Variants in ATP8B4 observed in about 807,000 individuals in gnomAD.
ATP8B4 encodes ATPase phospholipid transporting 8B4 (putative).
ATP8B4 carries 133 observed loss-of-function variants against 145.6 expected under a neutral mutation model. That is an observed-to-expected ratio of 0.91 (90% CI 0.79 to 1.05). ATP8B4 has a LOEUF of 1.05. ATP8B4 is among the 50% of genes least tolerant of loss of function. The pLI is 0.00. For missense variants in ATP8B4, 1,458 were observed against 1,425.2 expected, an observed-to-expected ratio of 1.02 and a Z score of -0.37; for synonymous variants, 507 against 492.9, an observed-to-expected ratio of 1.03 and a Z score of -0.38.
At chr15:50,148,952 C>T (rs1286291402) in intron 1 of ATP8B4, among the ~76,000 whole-genome samples, 1 of 152,178 alleles carries the variant, frequency 6.6e-6, no homozygotes, top group Non-Finnish European at 1.5e-5. Flanking sequence ...AATGGTTCAA[C>T]ATCATTTCAT....
At chr15:50,174,954 T>C (rs6493414) in intron 1 of ATP8B4, among the ~76,000 whole-genome samples, 150,498 of 152,314 alleles carry the variant, frequency 0.99, 74,380 homozygotes, top group Middle Eastern at 1. Flanking sequence ...GGCACATAGA[T>C]TCATGGAACA....
intron 1 of ATP8B4, among the ~76,000 whole-genome samples, chr15:50,110,688 G>A (rs904992165): frequency 2.0e-5 from 3 of 152,210 alleles, no homozygotes; most frequent in African/African-American, 7.2e-5. Context: ...AAAAGGGAAA[G>A]CTGCTAGATG....
At chr15:50,119,781 C>CTTTTTT (rs2057246780), upstream of ATP8B4, among the ~76,000 whole-genome samples, 1 of 40,274 alleles carries the variant, frequency 2.5e-5, no homozygotes, top group East Asian at 6.7e-4. Context: ...TTTTTTTTTA[C>CTTTTTT]AGGGGAAGTT....
chr15:49,991,257 A>T (rs2153547794), intron 9 of ATP8B4, among the ~76,000 whole-genome samples: 1 of 152,332 alleles, frequency 6.6e-6, no homozygotes, highest in East Asian at 1.9e-4. Flanking sequence ...CTTTAGAAAG[A>T]ACCACAAAAT....
chr15:50,049,490 T>A (rs537033543), intron 3 of ATP8B4, among the ~76,000 whole-genome samples: 19 of 152,354 alleles, frequency 1.2e-4, no homozygotes, highest in African/African-American at 4.6e-4. Context: ...CATTCTTTTT[T>A]TATGCCTGTG....
At position 49,934,473 on chromosome 15, in the gene ATP8B4, C is replaced by A. The variant is rs548818028; in HGVS notation, c.1288-291G>T. Reference sequence around the variant, plus strand: ...CAATACAACTTCAAAATACAAAAAACCACAGAAAATGCAAAGTTTTTTCAA... The same window carrying A: ...CAATACAACTTCAAAATACAAAAAAACACAGAAAATGCAAAGTTTTTTCAA... On this transcript the variant is annotated intron_variant, in intron 14 of 27. Coordinates refer to ENST00000284509, the MANE Select transcript of ATP8B4 (RefSeq NM_024837.4). Among the ~76,000 whole-genome samples the A allele has an allele frequency of 3.7e-4, 56 of 151,922 alleles. 1 individual carries two copies. Among genetic ancestry groups the A allele is most frequent in the Non-Finnish European group, 6.2e-4 (42 of 67,964 alleles).
At chr15:50,077,640 T>C (rs901238117) in intron 2 of ATP8B4, among the ~76,000 whole-genome samples, 1 of 152,138 alleles carries the variant, frequency 6.6e-6, no homozygotes, top group Non-Finnish European at 1.5e-5. Context: ...CCTTTTATTC[T>C]CAAAAGTGTC....
chr15:50,087,321 AGATC>A (rs1159851177), intron 2 of ATP8B4, among the ~76,000 whole-genome samples: 2 of 71,772 alleles, frequency 2.8e-5, no homozygotes, highest in African/African-American at 1.3e-4. Flanking sequence ...TAATAGATAT[AGATC>A]TATATTTATA....
At chr15:50,042,653 TGTTAA>T (rs1567250295) in intron 5 of ATP8B4, among the ~76,000 whole-genome samples, 1 of 152,208 alleles carries the variant, frequency 6.6e-6, no homozygotes, top group East Asian at 1.9e-4. Flanking sequence ...CTCTACTGAA[TGTTAA>T]GTTTTTTTTA....
chr15:49,890,935 G>T (rs968965855), intron 23 of ATP8B4, among the ~76,000 whole-genome samples: 2 of 152,186 alleles, frequency 1.3e-5, no homozygotes, highest in African/African-American at 4.8e-5. Context: ...TCTAGAACAG[G>T]CTTCTTGCTA....
chr15:49,897,559 C>A, intron 22 of ATP8B4, 44 bp from the exon 23 acceptor site: 1 of 1,409,032 alleles, frequency 7.1e-7, no homozygotes, highest in Non-Finnish European at 9.4e-7. Flanking sequence ...AACAAAGCCA[C>A]GATCTCTTTT....
At chr15:50,044,734 G>T in intron 4 of ATP8B4, 42 bp from the exon 5 acceptor site, 1 of 1,383,548 alleles carries the variant, frequency 7.2e-7, no homozygotes, top group Non-Finnish European at 1.0e-6. Context: ...TTTAAAGTTA[G>T]AAAATATATC....
intron 5 of ATP8B4, among the ~76,000 whole-genome samples, chr15:50,041,999 C>CA (rs1197528721): frequency 6.6e-6 from 1 of 151,086 alleles, no homozygotes; most frequent in East Asian, 1.9e-4. Flanking sequence ...TGCTAAAACA[C>CA]AAAAAATTAG....
At chr15:50,118,093 G>A (rs12443409) in intron 1 of ATP8B4, among the ~76,000 whole-genome samples, 21,932 of 151,836 alleles carry the variant, frequency 0.14, 1,666 homozygotes, top group Middle Eastern at 0.21. Context: ...TTGATAACAC[G>A]GTAGTATGAC....
In ATP8B4 at chr15:50,043,644, G is replaced by A. The variant is rs1192714569; in HGVS notation, c.300+950C>T. Among the ~76,000 whole-genome samples the A allele has an allele frequency of 5.9e-5, 9 of 152,146 alleles. No individual in the cohort carries two copies. The East Asian group carries it at 1.7e-3, about 29-fold the overall frequency. On this transcript the variant is annotated intron_variant, in intron 5 of 27. Transcript: ENST00000284509. ...TCTTAATAACATTTTCTTTTCTCTA[G>A]CTTACTTTATTATAAGAATACAGTG...
At chr15:50,083,702 T>A (rs1180992012) in intron 2 of ATP8B4, among the ~76,000 whole-genome samples, 2 of 152,232 alleles carry the variant, frequency 1.3e-5, no homozygotes, top group Non-Finnish European at 2.9e-5. Flanking sequence ...CACTTTAAGA[T>A]GCATGAAGCT....
chr15:50,015,732 C>T (rs756596302), intron 6 of ATP8B4, among the ~76,000 whole-genome samples: 3 of 152,186 alleles, frequency 2.0e-5, no homozygotes, highest in Non-Finnish European at 4.4e-5. Context: ...TACAGCTTGG[C>T]CCTAATCCCC....
chr15:49,920,325 A>C lies in ATP8B4; in HGVS notation c.1844T>G (p.Leu615Arg). 6.2e-7 allele frequency: 1 copy of C among 1,614,214 alleles called. No homozygotes were observed. Among genetic ancestry groups the C allele is most frequent in the Non-Finnish European group, 8.5e-7 (1 of 1,180,044 alleles). ...DKYFKEWHKM[L>R]EDANAATEER... Reference sequence around the variant, plus strand: ...TTCTGTGGCAGCATTCGCATCTTCAAGCATCTTATGCCACTCTTTAAAGTA... The same window carrying C: ...TTCTGTGGCAGCATTCGCATCTTCACGCATCTTATGCCACTCTTTAAAGTA... The change falls in exon 18 of 28, where the codon CTT (leucine) becomes CGT (arginine). Residue 615 changes from leucine to arginine, a missense_variant. Transcript: ENST00000284509.
At chr15:49,953,666 T>C (rs2043298338) in intron 14 of ATP8B4, among the ~76,000 whole-genome samples, 1 of 152,198 alleles carries the variant, frequency 6.6e-6, no homozygotes, top group African/African-American at 2.4e-5. Context: ...TGCTGATTGC[T>C]GCTCCTTCCT....
Sources: allele counts gnomAD v4.1 joint callset (sites outside exome capture counted in the v4.1 genomes callset), GRCh38; gene constraint gnomAD v4.1.1; transcripts MANE v1.5; gene names NCBI Gene and HGNC (gene_info 2026-07-23, HGNC 2026-07-21).